The following TMEM163 variants were observed in gnomAD, a reference collection of about 807,000 sequenced individuals.
The protein encoded by TMEM163 is transmembrane protein 163.
In TMEM163, 17 loss-of-function variants were observed where a neutral mutation model predicts 29.3. The observed-to-expected ratio is 0.58, with a 90% CI of 0.40 to 0.87. TMEM163 has a LOEUF of 0.87. Ranked by LOEUF, TMEM163 falls within the 40% of genes least tolerant of loss-of-function variation. The pLI is 0.00. For missense variants in TMEM163, 303 were observed against 381.5 expected (o/e 0.79, Z 1.71); for synonymous variants, 157 against 160.6 (o/e 0.98, Z 0.17).
intron 2 of TMEM163, among the ~76,000 whole-genome samples, chr2:134,683,401 A>T (rs1300189449): frequency 1.3e-5 from 2 of 151,344 alleles, no homozygotes; most frequent in East Asian, 3.8e-4. Flanking sequence ...GTGAACCTAA[A>T]ACTGCTCTAA....
intron 6 of TMEM163, among the ~76,000 whole-genome samples, chr2:134,461,199 G>A (rs1686527008): frequency 6.6e-6 from 1 of 152,234 alleles, no homozygotes; most frequent in African/African-American, 2.4e-5. Flanking sequence ...GCATACAATG[G>A]CACAAAATGA....
intron 2 of TMEM163, among the ~76,000 whole-genome samples, chr2:134,587,421 G>GA (rs1435227176): frequency 6.6e-6 from 1 of 151,980 alleles, no homozygotes; most frequent in African/African-American, 2.4e-5. Context: ...AACAAACAAA[G>GA]AAAAAAACAA....
intron 5 of TMEM163, among the ~76,000 whole-genome samples, chr2:134,493,004 GT>G (rs1244063871): frequency 1.3e-5 from 2 of 152,132 alleles, no homozygotes; most frequent in Non-Finnish European, 2.9e-5. Flanking sequence ...ACAAATTTTG[GT>G]TTTGGGGGGT....
intron 2 of TMEM163, among the ~76,000 whole-genome samples, chr2:134,686,869 T>C (rs964950825): frequency 3.3e-5 from 5 of 152,198 alleles, no homozygotes; most frequent in African/African-American, 7.2e-5. Flanking sequence ...AGAATCAGCA[T>C]TTCTGCCTTG....
At chr2:134,577,042 A>G (rs952352294) in intron 2 of TMEM163, among the ~76,000 whole-genome samples, 2 of 152,060 alleles carry the variant, frequency 1.3e-5, no homozygotes, top group African/African-American at 2.4e-5. Context: ...TCTTATTCCT[A>G]TCTGTGAATT....
chr2:134,690,798 G>A (rs1282868421), intron 2 of TMEM163, among the ~76,000 whole-genome samples: 1 of 152,186 alleles, frequency 6.6e-6, no homozygotes, highest in Admixed American at 6.5e-5. Flanking sequence ...AATCACAGTT[G>A]TGGCCATTCC....
intron 2 of TMEM163, among the ~76,000 whole-genome samples, chr2:134,619,085 G>A (rs1053171933): frequency 6.6e-6 from 1 of 152,094 alleles, no homozygotes; most frequent in Non-Finnish European, 1.5e-5. Flanking sequence ...GATGATAACA[G>A]CCCTACATAT....
chr2:134,542,757 T>A (rs1390709695), intron 4 of TMEM163, among the ~76,000 whole-genome samples: 1 of 152,218 alleles, frequency 6.6e-6, no homozygotes, highest in East Asian at 1.9e-4. Context: ...CCCACAGTTC[T>A]GGAGGCTACA....
intron 2 of TMEM163, among the ~76,000 whole-genome samples, chr2:134,655,470 CA>C (rs1411624087): frequency 1.6e-5 from 2 of 126,296 alleles, no homozygotes; most frequent in Admixed American, 7.6e-5. Context: ...TCAAAGTTTT[CA>C]ACTTCTTTGC....
At chr2:134,545,710 C>T (rs1027240796) in intron 4 of TMEM163, among the ~76,000 whole-genome samples, 3 of 152,118 alleles carry the variant, frequency 2.0e-5, no homozygotes, top group African/African-American at 7.2e-5. Context: ...TGTCCCTGAC[C>T]TTTTGTCCCC....
chr2:134,703,509 G>A (rs1257280559), intron 2 of TMEM163, among the ~76,000 whole-genome samples: 2 of 152,116 alleles, frequency 1.3e-5, no homozygotes, highest in African/African-American at 2.4e-5. Context: ...TCACCCTATG[G>A]CTCTAGGAGG....
chr2:134,637,194 C>G (rs1171276583), intron 2 of TMEM163, among the ~76,000 whole-genome samples: 2 of 118,254 alleles, frequency 1.7e-5, no homozygotes, highest in Non-Finnish European at 4.1e-5. Flanking sequence ...CAATTCCCCA[C>G]CAGGGCCACT....
At chr2:134,466,485 C>A (rs1194505099) in intron 5 of TMEM163, 1 of 407,906 alleles carries the variant, frequency 2.5e-6, no homozygotes, top group Admixed American at 3.9e-5. Context: ...GATTGACCTC[C>A]CCACTATTCT....
intron 2 of TMEM163, among the ~76,000 whole-genome samples, chr2:134,610,476 G>A (rs1364009361): frequency 6.6e-6 from 1 of 152,190 alleles, no homozygotes; most frequent in African/African-American, 2.4e-5. Context: ...GGGGAGGTCT[G>A]GGGACATACA....
chr2:134,637,357 T>C (rs554304270), intron 2 of TMEM163, among the ~76,000 whole-genome samples: 1 of 152,310 alleles, frequency 6.6e-6, no homozygotes, highest in Non-Finnish European at 1.5e-5. Context: ...TGGGTGTGCC[T>C]GAGTGTGCCC....
intron 2 of TMEM163, among the ~76,000 whole-genome samples, chr2:134,554,847 C>A (rs1681015573): frequency 6.6e-6 from 1 of 152,332 alleles, no homozygotes; most frequent in Non-Finnish European, 1.5e-5. Flanking sequence ...TATTAGTATT[C>A]TCTATCCCAC....
At chr2:134,597,826 T>C (rs1371144200) in intron 2 of TMEM163, among the ~76,000 whole-genome samples, 1 of 152,258 alleles carries the variant, frequency 6.6e-6, no homozygotes, top group Non-Finnish European at 1.5e-5. Context: ...TTCAACTTCT[T>C]CCTGGTTTAG....
At chr2:134,600,760 T>C (rs1293354167) in intron 2 of TMEM163, among the ~76,000 whole-genome samples, 1 of 152,200 alleles carries the variant, frequency 6.6e-6, no homozygotes, top group Non-Finnish European at 1.5e-5. Context: ...GGCCAGCACA[T>C]GGCAAAAGCA....
Position 134,478,776 on chromosome 2 carries a change from C to G in TMEM163, c.556-12551G>C, listed in dbSNP as rs115224548. On this transcript the variant is annotated intron_variant, in intron 5 of 7. Transcript: ENST00000281924. ...AGAGATTAGCAGGACTGAAAGGGAG[C>G]CAGGTGTTCATAGCCAAGAAAATGG... Among the ~76,000 whole-genome samples, 723 of 152,220 alleles carry G rather than the reference C, an allele frequency of 4.7e-3. 9 individuals carry two copies. The highest frequency in any genetic ancestry group is 0.016 in the African/African-American group (681 of 41,532).
Sources: allele counts gnomAD v4.1 joint callset (sites outside exome capture counted in the v4.1 genomes callset), GRCh38; gene constraint gnomAD v4.1.1; transcripts MANE v1.5; gene names NCBI Gene and HGNC (gene_info 2026-07-23, HGNC 2026-07-21).